The following DERA variants were observed in gnomAD, a reference collection of about 807,000 sequenced individuals.
DERA encodes the protein deoxyribose-phosphate aldolase, also known as 2-deoxy-D-ribose 5-phosphate aldolase.
In DERA, 15 loss-of-function variants were observed where a neutral mutation model predicts 41.1. The observed-to-expected ratio is 0.37, with a 90% CI of 0.24 to 0.56. The LOEUF is 0.56. DERA is among the 20% of genes least tolerant of loss of function. The probability of loss-of-function intolerance (pLI) is 0.81; values close to 1 mark genes in which losing one functional copy is unlikely to be tolerated. For missense variants in DERA, 396 were observed against 403.4 expected, an observed-to-expected ratio of 0.98 and a Z score of 0.16; for synonymous variants, 139 against 137.4, an observed-to-expected ratio of 1.01 and a Z score of -0.08.
chr12:15,927,786 C>T (rs530686260), intron 1 of DERA, among the ~76,000 whole-genome samples: 26 of 152,200 alleles, frequency 1.7e-4, no homozygotes, highest in Middle Eastern at 6.8e-3. Flanking sequence ...ATTCCATATA[C>T]AACTAGCTGC....
At position 16,009,286 on chromosome 12, in the gene DERA, G is replaced by C. The variant is rs1948932619; in HGVS notation, c.638-23256G>C. On this transcript the variant is annotated intron_variant, in intron 6 of 8. Transcript: ENST00000428559. The surrounding 1 kb of genome is among the most constrained non-coding windows in gnomAD (Gnocchi z 5.3). The stretch of plus-strand genomic sequence containing the variant: ...TATTGGATTAAATTCAGCCCCTGGA[G>C]AGTGGAAATCCTAGGGTTTTATTCT... Among the ~76,000 whole-genome samples the C allele has an allele frequency of 6.6e-6, 1 of 152,206 alleles. No individual in the cohort carries two copies. The highest frequency in any genetic ancestry group is 2.4e-5 in the African/African-American group (1 of 41,438).
At position 15,954,749 on chromosome 12, in the gene DERA, G is replaced by A. The variant is rs1948524554; in HGVS notation, c.32-2187G>A. On this transcript the variant is annotated intron_variant, in intron 1 of 8. Transcript: ENST00000428559. The surrounding 1 kb of genome is among the most constrained non-coding windows in gnomAD (Gnocchi z 4.0). The stretch of plus-strand genomic sequence containing the variant: ...CAACAGTGGTGCCAGTGTTTCCAGT[G>A]GCGACAGTAGTGGTAGTGGTGCGTT... Among the ~76,000 whole-genome samples, 1 of 152,140 alleles carries A rather than the reference G, an allele frequency of 6.6e-6. No individual in the cohort carries two copies.
In DERA at chr12:15,924,781, G is replaced by A. The variant is rs1033805592; in HGVS notation, c.31+13367G>A. Among the ~76,000 whole-genome samples the A allele has an allele frequency of 1.3e-5, 2 of 152,102 alleles. No individual in the cohort carries two copies. Among genetic ancestry groups the A allele is most frequent in the Non-Finnish European group, 1.5e-5 (1 of 68,014 alleles). Reference sequence around the variant, plus strand: ...TCACCTCCTCCCTGAAGGCTTACTTGGTCTCCTCTGCTAGACTTTTCAACA... The same window carrying A: ...TCACCTCCTCCCTGAAGGCTTACTTAGTCTCCTCTGCTAGACTTTTCAACA... On this transcript the variant is annotated intron_variant, in intron 1 of 8. Coordinates refer to ENST00000428559, the MANE Select transcript of DERA (RefSeq NM_015954.4). This position sits in a 1 kb window ranked among gnomAD's most constrained non-coding sequence, Gnocchi z 5.0.
chr12:15,930,586 A>G (rs906943759), intron 1 of DERA, among the ~76,000 whole-genome samples: 1 of 152,148 alleles, frequency 6.6e-6, no homozygotes, highest in East Asian at 1.9e-4. Context: ...GAACAGTAAC[A>G]CTTTTTTGTC....
chr12:15,958,097 T>C (rs1948553920), intron 2 of DERA, 91 bp from the exon 3 acceptor site: 2 of 1,043,748 alleles, frequency 1.9e-6, no homozygotes. Flanking sequence ...CCCATACTTG[T>C]CTAATGATTC....
Position 15,988,330 on chromosome 12 carries a change from C to G in DERA, c.637+5894C>G, listed in dbSNP as rs1366205872. 3.3e-5 allele frequency among the ~76,000 whole-genome samples: 5 copies of G among 152,116 alleles called. No individual in the cohort carries two copies. Among genetic ancestry groups the G allele is most frequent in the Non-Finnish European group, 7.3e-5 (5 of 68,032 alleles). On this transcript the variant is annotated intron_variant, in intron 6 of 8. Transcript: ENST00000428559. The surrounding 1 kb of genome is among the most constrained non-coding windows in gnomAD (Gnocchi z 6.0). ...GTCCAGGAAGAAAGAAGTACTTGGA[C>G]AACTGGAGGGTGAGCAAGGCACAGA...
Position 15,999,083 on chromosome 12 carries a change from GA to G in DERA, c.637+16650del, listed in dbSNP as rs1948858255. ...TCCAAACTGTGTCGGGGAATGGGAG[GA>G]AATGAGGGATGGAGGGTTGGTGAGG... On this transcript the variant is annotated intron_variant, in intron 6 of 8. Transcript: ENST00000428559. This position sits in a 1 kb window ranked among gnomAD's most constrained non-coding sequence, Gnocchi z 5.3. Among the ~76,000 whole-genome samples, 2 of 152,184 alleles carry G rather than the reference GA, an allele frequency of 1.3e-5. No homozygotes were observed. The highest frequency in any genetic ancestry group is 2.4e-5 in the African/African-American group (1 of 41,434).
rs1451328466 is a variant in DERA, at chr12:16,011,381, C to T, written c.638-21161C>T. ...ATTTTTTCAGATTTCGGAATATTTG[C>T]ATATGCTTACCCTAACCTGGTTGAG... On this transcript the variant is annotated intron_variant, in intron 6 of 8. Coordinates refer to ENST00000428559, the MANE Select transcript of DERA (RefSeq NM_015954.4). The surrounding 1 kb of genome is among the most constrained non-coding windows in gnomAD (Gnocchi z 4.7). 6.6e-6 allele frequency among the ~76,000 whole-genome samples: 1 copy of T among 152,160 alleles called. No individual in the cohort carries two copies. Among genetic ancestry groups the T allele is most frequent in the Non-Finnish European group, 1.5e-5 (1 of 68,024 alleles).
At chr12:15,932,788 C>G (rs999740594) in intron 1 of DERA, among the ~76,000 whole-genome samples, 7 of 152,176 alleles carry the variant, frequency 4.6e-5, no homozygotes, top group African/African-American at 1.7e-4. Flanking sequence ...CAGTAGATCT[C>G]TTGAACTCAA....
chr12:15,992,083 T>C lies in DERA; in HGVS notation c.637+9647T>C, dbSNP rs1047534356. On this transcript the variant is annotated intron_variant, in intron 6 of 8. Coordinates refer to ENST00000428559, the MANE Select transcript of DERA (RefSeq NM_015954.4). This position sits in a 1 kb window ranked among gnomAD's most constrained non-coding sequence, Gnocchi z 4.3. ...TTACCTGTTAGATTTTTTTTTTTTT[T>C]CAAAACTGTGCTCTTCCCTGGGCTA... Among the ~76,000 whole-genome samples, 2 of 151,960 alleles carry C rather than the reference T, an allele frequency of 1.3e-5. No homozygotes were observed. The highest frequency in any genetic ancestry group is 6.6e-5 in the Admixed American group (1 of 15,262).
intron 1 of DERA, among the ~76,000 whole-genome samples, chr12:15,912,348 C>T (rs537326619): frequency 9.8e-5 from 15 of 152,294 alleles, no homozygotes; most frequent in African/African-American, 3.6e-4. Context: ...GGTCACAGAT[C>T]AACAGGATCC....
chr12:15,917,454 C>T (rs1409040441), intron 1 of DERA, among the ~76,000 whole-genome samples: 2 of 152,140 alleles, frequency 1.3e-5, no homozygotes, highest in African/African-American at 4.8e-5. Flanking sequence ...ACTTAACATA[C>T]ATATGTTACT....
rs1384028953 is a variant in DERA, at chr12:16,004,271, T to C, written c.637+21835T>C. Among the ~76,000 whole-genome samples, 1 of 152,158 alleles carries C rather than the reference T, an allele frequency of 6.6e-6. No homozygotes were observed. Among genetic ancestry groups the C allele is most frequent in the East Asian group, 1.9e-4 (1 of 5,198 alleles). On this transcript the variant is annotated intron_variant, in intron 6 of 8. Coordinates refer to ENST00000428559, the MANE Select transcript of DERA (RefSeq NM_015954.4). This position sits in a 1 kb window ranked among gnomAD's most constrained non-coding sequence, Gnocchi z 4.2. ...TGAATGTACAGCCAAGTATTCAAAATATAAATAGATGCAGAGAAAAAATCA... is the reference window on the plus strand; with the variant it reads ...TGAATGTACAGCCAAGTATTCAAAACATAAATAGATGCAGAGAAAAAATCA...
At position 15,965,446 on chromosome 12, in the gene DERA, A is replaced by G. The variant is rs991407300; in HGVS notation, c.508+2499A>G. Among the ~76,000 whole-genome samples the G allele has an allele frequency of 6.6e-6, 1 of 152,032 alleles. No homozygotes were observed. Among genetic ancestry groups the G allele is most frequent in the Non-Finnish European group, 1.5e-5 (1 of 67,988 alleles). On this transcript the variant is annotated intron_variant, in intron 5 of 8. Coordinates refer to ENST00000428559, the MANE Select transcript of DERA (RefSeq NM_015954.4). The surrounding 1 kb of genome is among the most constrained non-coding windows in gnomAD (Gnocchi z 4.1). Reference sequence around the variant, plus strand: ...CATTAGCTATTTTCCCTAATGCACTACCTGCCTCCACCCTCCCCCAACAGG... The same window carrying G: ...CATTAGCTATTTTCCCTAATGCACTGCCTGCCTCCACCCTCCCCCAACAGG...
rs1256555193 is a variant in DERA at position 15,976,477 on chromosome 12, C to T, written c.509-5831C>T. Reference sequence around the variant, plus strand: ...CAAGAATTTCTCTAGGCCCCAGTGACATGGGGGCTAGGTTTCTCTCCACCT... The same window carrying T: ...CAAGAATTTCTCTAGGCCCCAGTGATATGGGGGCTAGGTTTCTCTCCACCT... On this transcript the variant is annotated intron_variant, in intron 5 of 8. Coordinates refer to ENST00000428559, the MANE Select transcript of DERA (RefSeq NM_015954.4). The surrounding 1 kb of genome is among the most constrained non-coding windows in gnomAD (Gnocchi z 4.1). Among the ~76,000 whole-genome samples, 3 of 152,164 alleles carry T rather than the reference C, an allele frequency of 2.0e-5. No individual in the cohort carries two copies. Among genetic ancestry groups the T allele is most frequent in the Admixed American group, 1.3e-4 (2 of 15,272 alleles).
rs1360133223 is a variant in DERA at position 15,984,068 on chromosome 12, A to C, written c.637+1632A>C. 6.6e-6 allele frequency among the ~76,000 whole-genome samples: 1 copy of C among 152,196 alleles called. No individual in the cohort carries two copies. Among genetic ancestry groups the C allele is most frequent in the Admixed American group, 6.5e-5 (1 of 15,282 alleles). Reference sequence around the variant, plus strand: ...ACAAGTGATTGTTAGCCCAGGTAACAAAGTAAAAGTTTGGAAACGAATAAC... The same window carrying C: ...ACAAGTGATTGTTAGCCCAGGTAACCAAGTAAAAGTTTGGAAACGAATAAC... On this transcript the variant is annotated intron_variant, in intron 6 of 8. Coordinates refer to ENST00000428559, the MANE Select transcript of DERA (RefSeq NM_015954.4). The surrounding 1 kb of genome is among the most constrained non-coding windows in gnomAD (Gnocchi z 4.5).
rs1948623594 is a variant in DERA at position 15,966,434 on chromosome 12, A to C, written c.508+3487A>C. Among the ~76,000 whole-genome samples the C allele has an allele frequency of 6.6e-6, 1 of 152,058 alleles. No individual in the cohort carries two copies. On this transcript the variant is annotated intron_variant, in intron 5 of 8. Transcript: ENST00000428559. This position sits in a 1 kb window ranked among gnomAD's most constrained non-coding sequence, Gnocchi z 5.1. ...AGCCAAGATTGCGCCACTGCACTGC[A>C]ACCTGAGGGACAGAGTGAGATTCCC...
At chr12:15,955,454 C>T (rs780385640) in intron 1 of DERA, among the ~76,000 whole-genome samples, 1 of 152,102 alleles carries the variant, frequency 6.6e-6, no homozygotes, top group African/African-American at 2.4e-5. Context: ...CAGATTTCAT[C>T]GGCCTGACCC....
chr12:15,959,683 A>G lies in DERA; in HGVS notation c.278-146A>G. On this transcript the variant is annotated intron_variant, in intron 3 of 8. Transcript: ENST00000428559. This position sits in a 1 kb window ranked among gnomAD's most constrained non-coding sequence, Gnocchi z 4.5. ...ACTAGAAGGGAATGTGGAAAATAAA[A>G]ATCTTTTAATTTATTGCAGTATTGT... The G allele has an allele frequency of 1.9e-6, 1 of 524,424 alleles. No individual in the cohort carries two copies. The highest frequency in any genetic ancestry group is 3.4e-6 in the Non-Finnish European group (1 of 291,058). 32.5% of individuals were successfully genotyped at this position (524,424 alleles called of 1,614,324 possible).
Sources: allele counts gnomAD v4.1 joint callset (sites outside exome capture counted in the v4.1 genomes callset), GRCh38; gene constraint gnomAD v4.1.1; non-coding constraint Gnocchi (gnomAD v3.1); transcripts MANE v1.5; gene names NCBI Gene and HGNC (gene_info 2026-07-23, HGNC 2026-07-21).